CUL5: variants seen among roughly 807,000 people sequenced by gnomAD.
The protein encoded by CUL5 is cullin 5.
A neutral mutation model predicts 108.8 loss-of-function variants in CUL5; 26 were observed. The observed-to-expected ratio is 0.24, with a 90% CI of 0.18 to 0.33. The LOEUF is 0.33. CUL5 is among the 10% of genes least tolerant of loss of function. The pLI, the probability that CUL5 is intolerant of heterozygous loss-of-function variation, is 1.00. For missense variants in CUL5, 524 were observed against 909.2 expected (o/e 0.58, Z 5.45); for synonymous variants, 334 against 298.0 (o/e 1.12, Z -1.25).
intron 7 of CUL5, among the ~76,000 whole-genome samples, chr11:108,063,511 A>G (rs1279929813): frequency 6.6e-6 from 1 of 151,896 alleles, no homozygotes; most frequent in Non-Finnish European, 1.5e-5. Context: ...ACATGTATAC[A>G]TATGTAACAA....
chr11:108,099,361 A>G (rs1864586034), intron 18 of CUL5, among the ~76,000 whole-genome samples: 1 of 152,348 alleles, frequency 6.6e-6, no homozygotes, highest in Non-Finnish European at 1.5e-5. Context: ...CATATTACCT[A>G]TAGATCATGT....
chr11:108,072,461 C>G lies in CUL5; in HGVS notation c.1004C>G (p.Thr335Ser). 6 of 1,601,248 alleles carry G rather than the reference C, an allele frequency of 3.7e-6. No homozygotes were observed. Among genetic ancestry groups the G allele is most frequent in the Non-Finnish European group, 5.1e-6 (6 of 1,175,378 alleles). Residue 335 changes from threonine (T) to serine (S), a missense_variant and splice_region_variant, in exon 9 of 19, where the codon ACT (threonine) becomes AGT (serine). Coordinates refer to ENST00000393094, the MANE Select transcript of CUL5 (RefSeq NM_003478.6). ...GTAGCAGCTGCTGAAACTATTACTACTGTAAGTTTTTTTTCAATGGCAATG... is the reference window on the plus strand; with the variant it reads ...GTAGCAGCTGCTGAAACTATTACTAGTGTAAGTTTTTTTTCAATGGCAATG... ...DMVAAAETIT[T>S]DSEKYVEQLL...
At chr11:108,046,031 A>C (rs1338643386) in intron 2 of CUL5, among the ~76,000 whole-genome samples, 2 of 152,166 alleles carry the variant, frequency 1.3e-5, no homozygotes, top group Non-Finnish European at 2.9e-5. Context: ...TTCATAACTA[A>C]ATTTTATGTG....
At position 108,072,359 on chromosome 11, in the gene CUL5, A is replaced by G. The variant is rs1435746645; in HGVS notation, c.902A>G (p.Asp301Gly). The change falls in exon 9 of 19, where the codon GAC (aspartate) becomes GGC (glycine). Residue 301 changes from aspartate (D) to glycine (G), a missense_variant. By Grantham distance (94) the Asp-to-Gly change is moderately conservative. Transcript: ENST00000393094. ...TTACATTTAATGTTTTCATTGATGG[A>G]CAAAGTTCCTAATGGTATAGAGCCA... Reference protein sequence around the residue: ...EKLHLMFSLMDKVPNGIEPML... With the variant: ...EKLHLMFSLMGKVPNGIEPML... The G allele has an allele frequency of 3.1e-6, 5 of 1,608,098 alleles. No homozygotes were observed. The highest frequency in any genetic ancestry group is 1.3e-5 in the African/African-American group (1 of 74,738).
At chr11:108,054,032 G>A (rs1187451214) in intron 5 of CUL5, among the ~76,000 whole-genome samples, 1 of 152,084 alleles carries the variant, frequency 6.6e-6, no homozygotes, top group African/African-American at 2.4e-5. Flanking sequence ...TTTTAGTAGA[G>A]ACGGGGTTTT....
At chr11:108,024,493 A>G (rs1862408227) in intron 1 of CUL5, among the ~76,000 whole-genome samples, 2 of 152,250 alleles carry the variant, frequency 1.3e-5, no homozygotes, top group South Asian at 4.1e-4. Flanking sequence ...AGATTAATTC[A>G]TACTTGTAAA....
chr11:108,021,416 G>T (rs1054708449), intron 1 of CUL5, among the ~76,000 whole-genome samples: 37 of 152,082 alleles, frequency 2.4e-4, no homozygotes, highest in African/African-American at 7.5e-4. Context: ...TTACACCTTT[G>T]TCCTAAGCAA....
intron 18 of CUL5, among the ~76,000 whole-genome samples, chr11:108,103,588 A>G (rs1864722349): frequency 6.6e-6 from 1 of 152,150 alleles, no homozygotes; most frequent in African/African-American, 2.4e-5. Context: ...ATACAAGGGA[A>G]AAATTTGGTG....
intron 3 of CUL5, among the ~76,000 whole-genome samples, chr11:108,046,683 T>C (rs1863077047): frequency 6.6e-6 from 1 of 152,214 alleles, no homozygotes; most frequent in African/African-American, 2.4e-5. Context: ...CAGATCTTTT[T>C]TTTTCTCTCA....
intron 3 of CUL5, among the ~76,000 whole-genome samples, chr11:108,047,822 A>G (rs1863103919): frequency 6.6e-6 from 1 of 152,192 alleles, no homozygotes. Context: ...TGATAAAGAT[A>G]AATTATGTTT....
chr11:108,101,375 C>G (rs1212486681), intron 18 of CUL5, among the ~76,000 whole-genome samples: 1 of 152,240 alleles, frequency 6.6e-6, no homozygotes, highest in Non-Finnish European at 1.5e-5. Flanking sequence ...ATTTGGCTTT[C>G]TGTTGGTAAC....
chr11:108,050,632 T>A (rs1863192597), intron 4 of CUL5, among the ~76,000 whole-genome samples: 1 of 152,216 alleles, frequency 6.6e-6, no homozygotes, highest in Non-Finnish European at 1.5e-5. Flanking sequence ...CCTCCGAAAC[T>A]GTTGGAATTA....
At chr11:108,028,559 C>T (rs1418975855) in intron 1 of CUL5, among the ~76,000 whole-genome samples, 1 of 152,136 alleles carries the variant, frequency 6.6e-6, no homozygotes, top group Non-Finnish European at 1.5e-5. Context: ...ACACTTCAGG[C>T]CAGGTGCGGT....
intron 13 of CUL5, among the ~76,000 whole-genome samples, chr11:108,091,847 G>A (rs766387091): frequency 3.2e-4 from 48 of 151,798 alleles, no homozygotes; most frequent in South Asian, 4.2e-4. Context: ...TTAGTGAAAT[G>A]CAAGTGAAAT....
At chr11:108,093,619 A>G (rs1864412128) in intron 13 of CUL5, among the ~76,000 whole-genome samples, 1 of 152,210 alleles carries the variant, frequency 6.6e-6, no homozygotes, top group South Asian at 2.1e-4. Context: ...ACTGGAAGAC[A>G]AGGATGCAAT....
chr11:108,027,483 G>T (rs924793066), intron 1 of CUL5, among the ~76,000 whole-genome samples: 1 of 152,110 alleles, frequency 6.6e-6, no homozygotes. Context: ...TGTAGGTCAG[G>T]CTGGTCTCGA....
intron 1 of CUL5, among the ~76,000 whole-genome samples, chr11:108,020,811 G>T (rs1333719560): frequency 1.3e-5 from 2 of 152,146 alleles, no homozygotes; most frequent in East Asian, 3.8e-4. Flanking sequence ...AATATTTTTG[G>T]ATAATTTAGC....
intron 1 of CUL5, among the ~76,000 whole-genome samples, chr11:108,022,455 G>A (rs1862349833): frequency 6.6e-6 from 1 of 152,072 alleles, no homozygotes; most frequent in African/African-American, 2.4e-5. Flanking sequence ...AGTAAAGTGG[G>A]ATTGTTACAG....
At chr11:108,044,678 C>T (rs947945019) in intron 2 of CUL5, among the ~76,000 whole-genome samples, 8 of 151,146 alleles carry the variant, frequency 5.3e-5, no homozygotes, top group Non-Finnish European at 2.9e-5. Context: ...ATGACCCTGT[C>T]CTTTCGTTGT....
Sources: gnomAD v4.1 joint callset for allele counts (sites outside exome capture counted in the v4.1 genomes callset) on GRCh38, gnomAD v4.1.1 for gene constraint, MANE v1.5 for transcripts, NCBI Gene and HGNC (gene_info 2026-07-23, HGNC 2026-07-21) for gene names.